GNG12: variants seen among roughly 807,000 people sequenced by gnomAD.
The protein encoded by GNG12 is G protein subunit gamma 12, also known as guanine nucleotide-binding protein G(I)/G(S)/G(O) subunit gamma-12.
For synonymous variants in GNG12, 28 were observed against 29.7 expected (o/e 0.94, Z 0.19); for missense variants, 69 against 83.8 (o/e 0.82, Z 0.69).
intron 2 of GNG12, among the ~76,000 whole-genome samples, chr1:67,776,908 A>G (rs1570539003): frequency 6.6e-6 from 1 of 152,216 alleles, no homozygotes; most frequent in African/African-American, 2.4e-5. Context: ...TGCTATATGA[A>G]GCCCCGGAAG....
At chr1:67,780,675 GT>G (rs768368785) in intron 1 of GNG12, among the ~76,000 whole-genome samples, 6 of 152,168 alleles carry the variant, frequency 3.9e-5, no homozygotes, top group Non-Finnish European at 7.4e-5. Context: ...AACAAAGCAA[GT>G]TTTGACTTCA....
At chr1:67,769,497 G>A (rs1184491106) in intron 2 of GNG12, among the ~76,000 whole-genome samples, 1 of 152,174 alleles carries the variant, frequency 6.6e-6, no homozygotes, top group Non-Finnish European at 1.5e-5. Context: ...TCTGCATGGA[G>A]CCCTGATCAA....
chr1:67,705,849 C>T (rs41306635), intron 3 of GNG12, among the ~76,000 whole-genome samples: 2,631 of 152,260 alleles, frequency 0.017, 44 homozygotes, highest in South Asian at 0.043. Flanking sequence ...GTGCTGAGGA[C>T]ACACCGCCAG....
intron 1 of GNG12, among the ~76,000 whole-genome samples, chr1:67,784,175 A>T (rs1329510823): frequency 6.6e-6 from 1 of 151,032 alleles, no homozygotes. Flanking sequence ...AGGGACATGG[A>T]TGAAATTGGA....
Position 67,827,854 on chromosome 1 carries a change from G to T in GNG12, c.-77+5490C>A, listed in dbSNP as rs1647020307. On this transcript the variant is annotated intron_variant, in intron 1 of 3. Transcript: ENST00000370982. Reference sequence around the variant, plus strand: ...GAGCACTTTTACGACACCCAATAAAGACTAACATGATAAACCAAACACTTA... The same window carrying T: ...GAGCACTTTTACGACACCCAATAAATACTAACATGATAAACCAAACACTTA... Among the ~76,000 whole-genome samples the T allele has an allele frequency of 3.3e-5, 5 of 152,276 alleles. No homozygotes were observed. In the South Asian group the frequency reaches 1.0e-3, roughly 32 times the overall value.
chr1:67,729,532 C>T (rs1006750453), intron 2 of GNG12, among the ~76,000 whole-genome samples: 2 of 152,082 alleles, frequency 1.3e-5, no homozygotes, highest in African/African-American at 2.4e-5. Flanking sequence ...CAGCACCTCC[C>T]TTCCGAGTCC....
chr1:67,795,900 T>A (rs1037984675), intron 1 of GNG12, among the ~76,000 whole-genome samples: 6 of 152,188 alleles, frequency 3.9e-5, no homozygotes, highest in Non-Finnish European at 7.3e-5. Context: ...TGCAAAAATA[T>A]GCACATGGAA....
Position 67,702,151 on chromosome 1 carries a change from C to T in GNG12, c.*3300G>A, listed in dbSNP as rs1209280219. On this transcript the variant is annotated 3_prime_UTR_variant, in exon 4 of 4. Coordinates refer to ENST00000370982, the MANE Select transcript of GNG12 (RefSeq NM_018841.6). ...ACTTCAGGTAAGTGCTCTATTTTAACATACAGATATAAGATTCTATTTGAT... is the reference window on the plus strand; with the variant it reads ...ACTTCAGGTAAGTGCTCTATTTTAATATACAGATATAAGATTCTATTTGAT... The T allele has an allele frequency of 1.3e-5, 2 of 152,262 alleles. No individual in the cohort carries two copies. Among genetic ancestry groups the T allele is most frequent in the African/African-American group, 4.8e-5 (2 of 41,464 alleles). The allele number at this position is 152,262 out of a possible 1,614,324, so 9.4% of individuals were successfully genotyped here.
intron 2 of GNG12, among the ~76,000 whole-genome samples, chr1:67,717,830 A>T (rs1028823090): frequency 2.2e-4 from 34 of 152,276 alleles, no homozygotes; most frequent in African/African-American, 8.2e-4. Context: ...CTGGAACTCT[A>T]GCACAGTGAA....
At chr1:67,716,968 A>T (rs991435143) in intron 2 of GNG12, among the ~76,000 whole-genome samples, 2 of 152,178 alleles carry the variant, frequency 1.3e-5, no homozygotes, top group African/African-American at 4.8e-5. Context: ...CAATAAATCC[A>T]GAGGAGAGTG....
intron 2 of GNG12, among the ~76,000 whole-genome samples, chr1:67,716,047 A>T (rs1646323635): frequency 6.6e-6 from 1 of 152,174 alleles, no homozygotes; most frequent in Admixed American, 6.5e-5. Context: ...TAGTTATGAG[A>T]GCAAAGAGCA....
rs754704793 is a variant in GNG12, at chr1:67,797,254, C to T, written c.-76-19747G>A. 2.0e-5 allele frequency among the ~76,000 whole-genome samples: 3 copies of T among 152,258 alleles called. No individual in the cohort carries two copies. The South Asian group carries it at 6.2e-4, about 32-fold the overall frequency. On this transcript the variant is annotated intron_variant, in intron 1 of 3. Transcript: ENST00000370982. ...TAAAAATTAAGTGATAAAACACAGA[C>T]AATCATGCTCATCAGAATAAGTTCC...
intron 1 of GNG12, among the ~76,000 whole-genome samples, chr1:67,811,267 G>A (rs1318364830): frequency 6.6e-6 from 1 of 152,128 alleles, no homozygotes; most frequent in African/African-American, 2.4e-5. Flanking sequence ...ATTGAACTGG[G>A]TAGGGAGAGC....
At chr1:67,807,463 A>C (rs1265305852) in intron 1 of GNG12, among the ~76,000 whole-genome samples, 4 of 151,948 alleles carry the variant, frequency 2.6e-5, no homozygotes, top group Non-Finnish European at 5.9e-5. Flanking sequence ...ATTAAAGAAA[A>C]AAATCAAAGC....
chr1:67,734,206 T>C (rs570965439), intron 2 of GNG12, among the ~76,000 whole-genome samples: 3 of 151,758 alleles, frequency 2.0e-5, no homozygotes, highest in African/African-American at 4.8e-5. Flanking sequence ...AGCCCAGGTC[T>C]GGGCTGCTAT....
At chr1:67,804,348 G>A (rs946704532) in intron 1 of GNG12, among the ~76,000 whole-genome samples, 10 of 152,104 alleles carry the variant, frequency 6.6e-5, no homozygotes, top group African/African-American at 2.4e-4. Flanking sequence ...AGACAACTTC[G>A]TGCCATTAGA....
At chr1:67,735,496 G>C (rs1323700571) in intron 2 of GNG12, among the ~76,000 whole-genome samples, 1 of 152,162 alleles carries the variant, frequency 6.6e-6, no homozygotes, top group African/African-American at 2.4e-5. Flanking sequence ...TGCTTAATTG[G>C]AGCCTGCGTC....
intron 2 of GNG12, among the ~76,000 whole-genome samples, chr1:67,741,033 A>G (rs1646480490): frequency 6.6e-6 from 1 of 152,196 alleles, no homozygotes; most frequent in Non-Finnish European, 1.5e-5. Flanking sequence ...CTATTCCCCA[A>G]AACTATTCTT....
chr1:67,808,272 T>A lies in GNG12; in HGVS notation c.-77+25072A>T, dbSNP rs185605861. 7.9e-3 allele frequency among the ~76,000 whole-genome samples: 1,207 copies of A among 152,070 alleles called. 14 individuals are homozygous for A. The highest frequency in any genetic ancestry group is 0.027 in the African/African-American group (1,132 of 41,504). ...TCCAACATCTATTCATGATTTTTTT[T>A]TAAAAAAACTATGTAAACTAAAAAT... On this transcript the variant is annotated intron_variant, in intron 1 of 3. Transcript: ENST00000370982.
Sources: allele counts gnomAD v4.1 joint callset (sites outside exome capture counted in the v4.1 genomes callset), GRCh38; gene constraint gnomAD v4.1.1; transcripts MANE v1.5; gene names NCBI Gene and HGNC (gene_info 2026-07-23, HGNC 2026-07-21).